The following RALGAPA2 variants were observed in gnomAD, a reference collection of about 807,000 sequenced individuals.
RALGAPA2 encodes Ral GTPase activating protein catalytic subunit alpha 2, also known as ral GTPase-activating protein subunit alpha-2.
In RALGAPA2, 139 loss-of-function variants were observed where a neutral mutation model predicts 230.4. The observed-to-expected ratio is 0.60, with a 90% CI of 0.53 to 0.69. The LOEUF (loss-of-function observed/expected upper bound fraction) is 0.69. RALGAPA2 is among the 30% of genes least tolerant of loss of function. The pLI is 0.00. For synonymous variants in RALGAPA2, 847 were observed against 837.8 expected (o/e 1.01, Z -0.19); for missense variants, 2,163 against 2,276.0 (o/e 0.95, Z 1.01).
At position 20,654,793 on chromosome 20, in the gene RALGAPA2, T is replaced by C. The variant is rs139347191; in HGVS notation, c.271-1206A>G. Among the ~76,000 whole-genome samples the C allele has an allele frequency of 8.8e-3, 1,342 of 152,326 alleles. 11 individuals are homozygous for C. Among genetic ancestry groups the C allele is most frequent in the Non-Finnish European group, 0.014 (961 of 68,038 alleles). ...ATTGCTGGGGCATATGGTAATTTTA[T>C]TTCTAGTTTTTTTGAGGAACTTCCA... On this transcript the variant is annotated intron_variant, in intron 3 of 39. Coordinates refer to ENST00000202677, the MANE Select transcript of RALGAPA2 (RefSeq NM_020343.4).
intron 37 of RALGAPA2, among the ~76,000 whole-genome samples, chr20:20,427,963 A>C (rs568957558): frequency 1.3e-5 from 2 of 152,272 alleles, no homozygotes; most frequent in African/African-American, 4.8e-5. Context: ...AGAGTAAGGC[A>C]GAAGGAATTC....
chr20:20,541,641 G>C lies in RALGAPA2; in HGVS notation c.3286-4857C>G, dbSNP rs928519337. Among the ~76,000 whole-genome samples, 42 of 152,164 alleles carry C rather than the reference G, an allele frequency of 2.8e-4. 1 individual carries two copies. The highest frequency in any genetic ancestry group is 2.4e-3 in the Admixed American group (37 of 15,280). On this transcript the variant is annotated intron_variant, in intron 24 of 39. Coordinates refer to ENST00000202677, the MANE Select transcript of RALGAPA2 (RefSeq NM_020343.4). ...AGGTTTCATCATGCTACTCAGAATG[G>C]GGTGCAATGTAAAGCTCTGATTTCT...
chr20:20,427,444 G>A (rs957808400), intron 37 of RALGAPA2, among the ~76,000 whole-genome samples: 8 of 151,922 alleles, frequency 5.3e-5, no homozygotes, highest in African/African-American at 9.7e-5. Context: ...TCAGCCCTGC[G>A]TCCTGCACTT....
intron 23 of RALGAPA2, among the ~76,000 whole-genome samples, chr20:20,564,518 TG>T (rs1218198490): frequency 6.6e-6 from 1 of 152,214 alleles, no homozygotes; most frequent in Non-Finnish European, 1.5e-5. Context: ...GTCTTTACCA[TG>T]GCAGGAAAAA....
At chr20:20,676,059 C>T (rs922283326) in intron 3 of RALGAPA2, among the ~76,000 whole-genome samples, 177 bp downstream of exon 3, 11 of 151,156 alleles carry the variant, frequency 7.3e-5, no homozygotes, top group African/African-American at 2.2e-4. Context: ...AAGAAAATCA[C>T]GAGAAAATTA....
intron 3 of RALGAPA2, among the ~76,000 whole-genome samples, chr20:20,654,755 A>C (rs1380536607): frequency 1.3e-5 from 2 of 152,234 alleles, no homozygotes; most frequent in Admixed American, 1.3e-4. Context: ...TGGGACATAA[A>C]GCCAGAAGTG....
intron 37 of RALGAPA2, among the ~76,000 whole-genome samples, chr20:20,416,674 A>G (rs746237160): frequency 5.3e-5 from 8 of 152,254 alleles, no homozygotes; most frequent in Non-Finnish European, 1.2e-4. Context: ...TATAAAATAC[A>G]ACAAAACAAC....
At chr20:20,555,079 AT>A (rs1261783254) in intron 23 of RALGAPA2, among the ~76,000 whole-genome samples, 1 of 152,192 alleles carries the variant, frequency 6.6e-6, no homozygotes, top group Admixed American at 6.5e-5. Flanking sequence ...ACACAGAACC[AT>A]TTTGAGTTAA....
chr20:20,482,353 A>G (rs1207752122), intron 36 of RALGAPA2, among the ~76,000 whole-genome samples: 1 of 152,214 alleles, frequency 6.6e-6, no homozygotes, highest in Non-Finnish European at 1.5e-5. Flanking sequence ...TTTAGGGTGG[A>G]CGCAGATAAA....
intron 37 of RALGAPA2, among the ~76,000 whole-genome samples, chr20:20,449,052 T>C (rs1207000581): frequency 2.0e-5 from 3 of 152,174 alleles, no homozygotes; most frequent in South Asian, 2.1e-4. Flanking sequence ...AAACACATTA[T>C]GAAGTTCATT....
chr20:20,598,064 C>A (rs1259164483), intron 16 of RALGAPA2, among the ~76,000 whole-genome samples: 1 of 152,090 alleles, frequency 6.6e-6, no homozygotes, highest in African/African-American at 2.4e-5. Context: ...GCTATGATAT[C>A]TTAATAAAAA....
intron 31 of RALGAPA2, among the ~76,000 whole-genome samples, chr20:20,518,369 T>C (rs150183399): frequency 3.3e-5 from 5 of 152,304 alleles, no homozygotes; most frequent in Non-Finnish European, 5.9e-5. Flanking sequence ...TGACCAGAGA[T>C]AGTTTTGTTA....
At chr20:20,432,637 A>T (rs930909200) in intron 37 of RALGAPA2, among the ~76,000 whole-genome samples, 6 of 152,178 alleles carry the variant, frequency 3.9e-5, no homozygotes, top group Admixed American at 6.6e-5. Flanking sequence ...TAAATAGCAG[A>T]CTATTTCAAT....
chr20:20,538,357 T>C (rs1018724600), intron 24 of RALGAPA2, among the ~76,000 whole-genome samples: 2 of 151,844 alleles, frequency 1.3e-5, no homozygotes, highest in African/African-American at 4.8e-5. Flanking sequence ...AGGCTGGCGG[T>C]GGGTGAGGGA....
chr20:20,547,614 C>G (rs149837014), intron 23 of RALGAPA2, among the ~76,000 whole-genome samples: 148 of 152,300 alleles, frequency 9.7e-4, no homozygotes, highest in African/African-American at 3.4e-3. Context: ...ATGGCCAGGC[C>G]ACATCTCTGA....
chr20:20,546,940 C>A, intron 23 of RALGAPA2, 108 bp from the exon 24 acceptor site: 2 of 1,157,748 alleles, frequency 1.7e-6, no homozygotes, highest in Non-Finnish European at 2.3e-6. Context: ...CAAGAGAGCA[C>A]AGATTACAGA....
At position 20,526,312 on chromosome 20, in the gene RALGAPA2, C is replaced by G. The variant is rs746316112; in HGVS notation, c.3633G>C (p.Leu1211=). ...AQVACDVLQL[L]VSYWEKLQMF... is the part of the protein sequence containing the mutation. ...TCTGAAGCTTCTCCCAGTAGGAAACCAGCAACTGAAGGACATCGCAAGCTA... is the reference window on the plus strand; with the variant it reads ...TCTGAAGCTTCTCCCAGTAGGAAACGAGCAACTGAAGGACATCGCAAGCTA... Residue 1211 remains leucine, a synonymous_variant, in exon 28 of 40, where the codon CTG becomes CTC. Transcript: ENST00000202677. 41 of 1,608,294 alleles carry G rather than the reference C, an allele frequency of 2.5e-5. No individual in the cohort carries two copies. The highest frequency in any genetic ancestry group is 3.4e-5 in the Non-Finnish European group (40 of 1,178,530).
intron 10 of RALGAPA2, among the ~76,000 whole-genome samples, chr20:20,623,502 A>G (rs1318339745): frequency 6.6e-6 from 1 of 151,474 alleles, no homozygotes; most frequent in Non-Finnish European, 1.5e-5. Flanking sequence ...AGGCTTTCAA[A>G]AAAAAAAAAA....
intron 24 of RALGAPA2, among the ~76,000 whole-genome samples, chr20:20,541,638 A>G (rs1167331605): frequency 6.6e-6 from 1 of 152,226 alleles, no homozygotes; most frequent in Admixed American, 6.5e-5. Context: ...GCTACTCAGA[A>G]TGGGGTGCAA....
Sources: gnomAD v4.1 joint callset for allele counts (sites outside exome capture counted in the v4.1 genomes callset) on GRCh38, gnomAD v4.1.1 for gene constraint, MANE v1.5 for transcripts, NCBI Gene and HGNC (gene_info 2026-07-23, HGNC 2026-07-21) for gene names.